CPLANE1: variants seen among roughly 807,000 people sequenced by gnomAD.
CPLANE1 encodes the protein ciliogenesis and planar polarity effector 1.
Under a neutral mutation model 362.5 loss-of-function variants are expected in CPLANE1, and 263 were observed. The observed-to-expected ratio is 0.73, with a 90% CI of 0.66 to 0.80. The LOEUF is 0.80. Among genes scored for constraint, CPLANE1 ranks in the 30% least tolerant of loss-of-function variants. The pLI is 0.00. For missense variants in CPLANE1, 3,461 were observed against 3,793.4 expected (o/e 0.91, Z 2.30); for synonymous variants, 1,212 against 1,302.6 (o/e 0.93, Z 1.50).
At chr5:37,145,326 A>G (rs1487346424) in intron 43 of CPLANE1, among the ~76,000 whole-genome samples, 2 of 152,140 alleles carry the variant, frequency 1.3e-5, no homozygotes, top group Admixed American at 1.3e-4. Flanking sequence ...CAAACAAAAA[A>G]ACAGTATCAG....
rs1386068597 is a variant in CPLANE1, at chr5:37,120,249, A to G, written c.9277T>C (p.Phe3093Leu). 2 of 1,604,102 alleles carry G rather than the reference A, an allele frequency of 1.2e-6. No homozygotes were observed. Among genetic ancestry groups the G allele is most frequent in the Non-Finnish European group, 1.7e-6 (2 of 1,177,458 alleles). Residue 3093 changes from phenylalanine (F) to leucine (L), a missense_variant, in exon 50 of 53, where the codon TTT becomes CTT. By Grantham distance (22) the Phe-to-Leu change is conservative. Transcript: ENST00000651892. ...KPSYIHKRKS[F>L]GQPQGSPWPH... ...CAAGGTGAGCCTTGAGGTTGCCCAA[A>G]AGACTTCCTCTTATGGATATAACTC...
chr5:37,118,096 C>CA (rs933448414), intron 50 of CPLANE1, among the ~76,000 whole-genome samples: 2 of 152,012 alleles, frequency 1.3e-5, no homozygotes, highest in African/African-American at 2.4e-5. Context: ...ATTTGTCAAT[C>CA]AAAAAAGCCA....
At chr5:37,148,382 G>A in intron 42 of CPLANE1, 114 bp from the exon 43 acceptor site, 1 of 659,228 alleles carries the variant, frequency 1.5e-6, no homozygotes, top group African/African-American at 1.8e-5. Flanking sequence ...GAAAAAAATG[G>A]GATTAAATCC....
chr5:37,127,343 C>T (rs1764435537), intron 46 of CPLANE1, among the ~76,000 whole-genome samples: 1 of 152,114 alleles, frequency 6.6e-6, no homozygotes, highest in Non-Finnish European at 1.5e-5. Context: ...AGTTTTATTG[C>T]ATCCTCCCTT....
In CPLANE1 at chr5:37,226,803, T is replaced by C. The variant is rs1382067645; in HGVS notation, c.1792A>G (p.Ile598Val). ...VTEKNLMLNY[I>V]VVCITHFFYI... is the part of the protein sequence containing the mutation. ...AAAAAATGAGTGATACAAACTACTA[T>C]GTAATTTAACATTAAATTTTTTTCT... Residue 598 changes from isoleucine to valine, a missense_variant, in exon 12 of 53, where the codon ATA becomes GTA. Coordinates refer to ENST00000651892, the MANE Select transcript of CPLANE1 (RefSeq NM_001384732.1). The C allele has an allele frequency of 2.6e-6, 4 of 1,549,472 alleles. No individual in the cohort carries two copies. The East Asian group carries it at 9.8e-5, about 38-fold the overall frequency.
chr5:37,227,661 A>T lies in CPLANE1; in HGVS notation c.1278T>A (p.Leu426=). 6.4e-7 allele frequency: 1 copy of T among 1,551,528 alleles called. No homozygotes were observed. The highest frequency in any genetic ancestry group is 1.2e-5 in the South Asian group (1 of 84,048). ...DGYMVTTLRF[L]DSLSPSVHMR... ...TGTGTACTGATGGAGATAGGCTATC[A>T]AGAAATCGAAGGGTTGTGACCATAT... Residue 426 remains leucine (L), a synonymous_variant, in exon 10 of 53, where the codon CTT becomes CTA. Transcript: ENST00000651892.
At chr5:37,132,842 T>C (rs1285008987) in intron 46 of CPLANE1, among the ~76,000 whole-genome samples, 1 of 152,252 alleles carries the variant, frequency 6.6e-6, no homozygotes, top group Non-Finnish European at 1.5e-5. Flanking sequence ...TCATAAATTC[T>C]TTCCCAAGGC....
chr5:37,095,715 A>C, the CPLANE1 span, among the ~76,000 whole-genome samples: 261 of 152,322 alleles, frequency 1.7e-3, 1 homozygote, highest in African/African-American at 6.1e-3. Context: ...AGAACTAATA[A>C]AATAATTCAG....
intron 50 of CPLANE1, among the ~76,000 whole-genome samples, chr5:37,119,786 C>T (rs1762115871): frequency 6.6e-6 from 1 of 151,096 alleles, no homozygotes; most frequent in Non-Finnish European, 1.5e-5. Flanking sequence ...GAGATCAAGA[C>T]CATCCTGGCT....
the CPLANE1 span, among the ~76,000 whole-genome samples, chr5:37,084,657 G>A: frequency 1.3e-5 from 2 of 152,106 alleles, no homozygotes; most frequent in Non-Finnish European, 2.9e-5. Context: ...GCAAGCGCCT[G>A]TAATCCCAGC....
chr5:37,084,383 A>G, the CPLANE1 span, among the ~76,000 whole-genome samples: 1 of 152,194 alleles, frequency 6.6e-6, no homozygotes, highest in African/African-American at 2.4e-5. Flanking sequence ...AAACAAAAAC[A>G]AAAAACCAAG....
Position 37,209,509 on chromosome 5 carries a change from T to G in CPLANE1, c.2921-3084A>C. 1 of 1,276,586 alleles carries G rather than the reference T, an allele frequency of 7.8e-7. No individual in the cohort carries two copies. The highest frequency in any genetic ancestry group is 1.1e-6 in the Non-Finnish European group (1 of 873,744). 79.1% of individuals were successfully genotyped at this position (1,276,586 alleles called of 1,614,324 possible). On this transcript the variant is annotated intron_variant, in intron 16 of 52. Coordinates refer to ENST00000651892, the MANE Select transcript of CPLANE1 (RefSeq NM_001384732.1). The surrounding 1 kb of genome is among the most constrained non-coding windows in gnomAD (Gnocchi z 4.6). ...CGAAACCAGCTAATTCATGAGTTAA[T>G]GCACCCTGTATTGAGTGGAGAACTG...
chr5:37,076,921 AGGC>A, the CPLANE1 span, among the ~76,000 whole-genome samples: 1 of 150,774 alleles, frequency 6.6e-6, no homozygotes, highest in Admixed American at 6.6e-5. Flanking sequence ...CTCCTCTGGT[AGGC>A]TCTACTCTGG....
the CPLANE1 span, among the ~76,000 whole-genome samples, chr5:37,078,291 G>T: frequency 6.6e-6 from 1 of 152,276 alleles, no homozygotes; most frequent in East Asian, 1.9e-4. Flanking sequence ...GTGAGAATAT[G>T]CACTGTTTGG....
chr5:37,239,740 TGCCAGGGTAAG>T lies in CPLANE1; in HGVS notation c.796_806del (p.Leu266SerfsTer4). ...TGGGGTCTTTCTGATTAAGAGTTAC[TGCCAGGGTAAG>T]GCCATCTCTTGAAAAGGCAGAAATT... On this transcript the variant is annotated frameshift_variant, in exon 7 of 53. Transcript: ENST00000651892. 6.5e-7 allele frequency: 1 copy of T among 1,537,028 alleles called. No individual in the cohort carries two copies. Among genetic ancestry groups the T allele is most frequent in the Non-Finnish European group, 8.8e-7 (1 of 1,139,088 alleles).
At chr5:37,203,571 T>C (rs1041059897) in intron 18 of CPLANE1, among the ~76,000 whole-genome samples, 2 of 152,208 alleles carry the variant, frequency 1.3e-5, no homozygotes, top group African/African-American at 4.8e-5. Context: ...TGGAGTGCAG[T>C]GGCACAATCA....
chr5:37,186,526 CCTCT>C (rs1343897623), intron 23 of CPLANE1, 132 bp from the exon 24 acceptor site: 5 of 589,406 alleles, frequency 8.5e-6, no homozygotes, highest in Non-Finnish European at 1.2e-5. Flanking sequence ...CAGGTCAAAG[CCTCT>C]CTCTGAGCAT....
intron 50 of CPLANE1, among the ~76,000 whole-genome samples, chr5:37,118,572 C>G (rs531747360): frequency 6.6e-6 from 1 of 152,200 alleles, no homozygotes; most frequent in Admixed American, 6.5e-5. Flanking sequence ...TCTACCACTT[C>G]CTAGTTGTAT....
intron 42 of CPLANE1, among the ~76,000 whole-genome samples, chr5:37,152,494 TA>T (rs56769263): frequency 0.028 from 4,281 of 151,928 alleles, 91 homozygotes; most frequent in Middle Eastern, 0.1. Context: ...GTTCTTCCTT[TA>T]AAAAAAAGGA....
Sources: allele counts gnomAD v4.1 joint callset (sites outside exome capture counted in the v4.1 genomes callset), GRCh38; gene constraint gnomAD v4.1.1; non-coding constraint Gnocchi (gnomAD v3.1); transcripts MANE v1.5; gene names NCBI Gene and HGNC (gene_info 2026-07-23, HGNC 2026-07-21).